SLC25A48: variants seen among roughly 807,000 people sequenced by gnomAD.
The protein encoded by SLC25A48 is CTC-321K16.1.
In SLC25A48, 29 loss-of-function variants were observed where a neutral mutation model predicts 32.2. The observed-to-expected ratio is 0.90, with a 90% confidence interval of 0.67 to 1.23. SLC25A48 has a LOEUF of 1.23. Ranked by LOEUF, SLC25A48 falls within the 50% of genes most tolerant of loss-of-function variation. The pLI is 0.00. For missense variants in SLC25A48, 399 were observed against 422.7 expected (o/e 0.94, Z 0.49); for synonymous variants, 164 against 172.3 (o/e 0.95, Z 0.38).
rs371126144 is a variant in SLC25A48 at position 135,871,575 on chromosome 5, G to C, written c.536G>C (p.Arg179Pro). Reference sequence around the variant, plus strand: ...AATGAGGGCCTGGCGGGGCTATACCGGGGGGCCAGTGCCATGCTGCTGAGG... The same window carrying C: ...AATGAGGGCCTGGCGGGGCTATACCCGGGGGCCAGTGCCATGCTGCTGAGG... ...VRNEGLAGLY[R>P]GASAMLLRDV... is the part of the protein sequence containing the mutation. The change falls in exon 5 of 8, where the codon CGG becomes CCG. Residue 179 changes from arginine to proline, a missense_variant. Physicochemically the swap from Arg to Pro is moderately radical, Grantham distance 103. Coordinates refer to ENST00000681962, the MANE Select transcript of SLC25A48 (RefSeq NM_001349336.2). 6.8e-6 allele frequency: 11 copies of C among 1,614,012 alleles called. No homozygotes were observed. Among genetic ancestry groups the C allele is most frequent in the African/African-American group, 2.7e-5 (2 of 74,928 alleles).
chr5:135,727,257 A>C (rs1001657830), intron 3 of SLC25A48, among the ~76,000 whole-genome samples: 8 of 147,870 alleles, frequency 5.4e-5, no homozygotes, highest in African/African-American at 2.0e-4. Context: ...ATAGTAAAAA[A>C]AACACTCTAA....
Position 135,834,858 on chromosome 5 carries a change from T to G in SLC25A48, c.11T>G (p.Phe4Cys), listed in dbSNP as rs1416382539. The G allele has an allele frequency of 3.7e-6, 6 of 1,603,028 alleles. No individual in the cohort carries two copies. The highest frequency in any genetic ancestry group is 5.1e-6 in the Non-Finnish European group (6 of 1,175,578). MGSFQLEDFAAGWI... is the reference protein window; with the variant it reads MGSCQLEDFAAGWI... ...GACCGAGCGCCGGCCATGGGAAGCT[T>G]CCAGCTGGAAGACTTTGCGGCGGGC... Residue 4 changes from phenylalanine to cysteine, a missense_variant, in exon 1 of 8, where the codon TTC (phenylalanine) becomes TGC (cysteine). Physicochemically the swap from Phe to Cys is radical, Grantham distance 205 (BLOSUM62 -2). Transcript: ENST00000681962.
At chr5:135,643,094 C>T (rs1752878370) in intron 3 of SLC25A48, among the ~76,000 whole-genome samples, 2 of 152,328 alleles carry the variant, frequency 1.3e-5, no homozygotes, top group South Asian at 4.2e-4. Flanking sequence ...AGACTCAGCC[C>T]CCAACATGTA....
chr5:135,647,391 C>T (rs1310321588), intron 3 of SLC25A48, among the ~76,000 whole-genome samples: 1 of 152,170 alleles, frequency 6.6e-6, no homozygotes, highest in African/African-American at 2.4e-5. Flanking sequence ...GGAGCTGTGT[C>T]CTCCCTTCCC....
rs1003561562 is a variant in SLC25A48 at position 135,728,268 on chromosome 5, A to G, written c.-520-84255A>G. ...GAGACTCTGTCTCAAAAAAAAAAAA[A>G]AAAATGTGGCTTTCTATAGTTAGCA... On this transcript the variant is annotated intron_variant, in intron 3 of 10. Coordinates refer to the SLC25A48 transcript ENST00000646290. Among the ~76,000 whole-genome samples, 8 of 152,272 alleles carry G rather than the reference A, an allele frequency of 5.3e-5. No homozygotes were observed. The East Asian group carries it at 1.5e-3, about 29-fold the overall frequency.
At chr5:135,618,021 C>G in intron 1 of SLC25A48, among the ~76,000 whole-genome samples, 1 of 151,866 alleles carries the variant, frequency 6.6e-6, no homozygotes, top group Admixed American at 6.5e-5. Flanking sequence ...TGGGATTTGT[C>G]GCCCAAGTAT....
At chr5:135,768,381 G>A (rs1005401025) in intron 3 of SLC25A48, among the ~76,000 whole-genome samples, 2 of 151,338 alleles carry the variant, frequency 1.3e-5, no homozygotes, top group Non-Finnish European at 3.0e-5. Flanking sequence ...TATCCAGGGA[G>A]AGAGAGAATG....
intron 3 of SLC25A48, among the ~76,000 whole-genome samples, chr5:135,654,873 C>T (rs928886808): frequency 2.6e-5 from 4 of 152,220 alleles, no homozygotes; most frequent in Admixed American, 2.6e-4. Flanking sequence ...TGCGAGAACT[C>T]GGCCTGCCCC....
At chr5:135,711,078 A>G (rs1210282681) in intron 3 of SLC25A48, among the ~76,000 whole-genome samples, 1 of 152,224 alleles carries the variant, frequency 6.6e-6, no homozygotes, top group Non-Finnish European at 1.5e-5. Context: ...CCAAGTTCCC[A>G]TTTGAGGGAA....
intron 2 of SLC25A48, among the ~76,000 whole-genome samples, chr5:135,630,699 T>C: frequency 6.8e-6 from 1 of 147,488 alleles, no homozygotes; most frequent in South Asian, 2.2e-4. Context: ...CCTCCCAGGT[T>C]CAAGTGATTC....
At chr5:135,736,281 AT>A (rs1172372990) in intron 3 of SLC25A48, among the ~76,000 whole-genome samples, 1 of 152,140 alleles carries the variant, frequency 6.6e-6, no homozygotes, top group Non-Finnish European at 1.5e-5. Flanking sequence ...TTCGACAAAA[AT>A]TATCTAGGTC....
At chr5:135,886,621 ATATATATATAT>A (rs1762729514) in intron 7 of SLC25A48, among the ~76,000 whole-genome samples, 1 of 22,862 alleles carries the variant, frequency 4.4e-5, no homozygotes, top group Non-Finnish European at 8.2e-5. Context: ...ATATATATAT[ATATATATATAT>A]ATATAAAATA....
intron 3 of SLC25A48, among the ~76,000 whole-genome samples, chr5:135,700,294 C>A (rs1374998148): frequency 7.1e-6 from 1 of 141,632 alleles, no homozygotes; most frequent in Admixed American, 7.8e-5. Context: ...ATTGCTTAAA[C>A]CCAGGAGGGG....
In SLC25A48 at chr5:135,759,582, T is replaced by C. The variant is rs117034309; in HGVS notation, c.-520-52941T>C. 8.0e-3 allele frequency among the ~76,000 whole-genome samples: 1,225 copies of C among 152,246 alleles called. 27 individuals carry two copies. The highest frequency in any genetic ancestry group is 0.037 in the East Asian group (190 of 5,178). On this transcript the variant is annotated intron_variant, in intron 3 of 10. Coordinates refer to the SLC25A48 transcript ENST00000646290. ...GGGATGCCCCTACTCACAGCCAAGA[T>C]TAGAGCATTTCCATCACCACAGGGA...
chr5:135,831,681 G>T (rs1413453482), upstream of SLC25A48, among the ~76,000 whole-genome samples: 1 of 152,248 alleles, frequency 6.6e-6, no homozygotes, highest in Non-Finnish European at 1.5e-5. Context: ...TGCACAGAAT[G>T]TGAGACATTG....
chr5:135,587,600 A>G (rs554376227), intron 1 of SLC25A48, among the ~76,000 whole-genome samples: 1 of 152,290 alleles, frequency 6.6e-6, no homozygotes, highest in East Asian at 1.9e-4. Flanking sequence ...ACAGGGTCCA[A>G]GGTGTTCCTC....
At chr5:135,665,341 T>C (rs948055900) in intron 3 of SLC25A48, among the ~76,000 whole-genome samples, 1 of 152,220 alleles carries the variant, frequency 6.6e-6, no homozygotes, top group Non-Finnish European at 1.5e-5. Flanking sequence ...GTTGGATGCG[T>C]AGTTGGCAAA....
chr5:135,879,178 G>A (rs1762259306), intron 6 of SLC25A48, among the ~76,000 whole-genome samples: 1 of 152,146 alleles, frequency 6.6e-6, no homozygotes, highest in Non-Finnish European at 1.5e-5. Context: ...TCCTGAGCAT[G>A]CATCCTAGTG....
At chr5:135,835,335 C>T (rs1456796721) in intron 1 of SLC25A48, among the ~76,000 whole-genome samples, 1 of 150,726 alleles carries the variant, frequency 6.6e-6, no homozygotes, top group African/African-American at 2.4e-5. Flanking sequence ...GAGATTAGGC[C>T]GGCCCAACGG....
Sources: gnomAD v4.1 joint callset for allele counts (sites outside exome capture counted in the v4.1 genomes callset) on GRCh38, gnomAD v4.1.1 for gene constraint, MANE v1.5 for transcripts, NCBI Gene and HGNC (gene_info 2026-07-23, HGNC 2026-07-21) for gene names.